The following CCSER2 variants were observed in gnomAD, a reference collection of about 807,000 sequenced individuals.
The protein encoded by CCSER2 is coiled-coil serine rich protein 2, also known as serine-rich coiled-coil domain-containing protein 2.
In CCSER2, 46 loss-of-function variants were observed where a neutral mutation model predicts 92.3. The ratio of observed to expected loss-of-function variants is 0.50; its 90% CI spans 0.39 to 0.64. CCSER2 has a LOEUF of 0.64. Ranked by LOEUF, CCSER2 falls within the 30% of genes least tolerant of loss-of-function variation. CCSER2 has a pLI of 0.00. For synonymous variants in CCSER2, 433 were observed against 431.4 expected, an observed-to-expected ratio of 1.00 and a Z score of -0.04; for missense variants, 1,244 against 1,238.9, an observed-to-expected ratio of 1.00 and a Z score of -0.06.
At chr10:84,372,499 C>A in intron 2 of CCSER2, 30 bp downstream of exon 2, 1 of 1,301,176 alleles carries the variant, frequency 7.7e-7, no homozygotes, top group Non-Finnish European at 1.1e-6. Context: ...AGTTTTTTTG[C>A]TTTCTTTTAA....
At chr10:84,360,549 T>C (rs1452926610) in intron 1 of CCSER2, among the ~76,000 whole-genome samples, 1 of 152,212 alleles carries the variant, frequency 6.6e-6, no homozygotes, top group Non-Finnish European at 1.5e-5. Flanking sequence ...TACAATAAAA[T>C]ACATAAATCT....
At chr10:84,342,991 G>A (rs1844285163) in intron 1 of CCSER2, among the ~76,000 whole-genome samples, 2 of 152,050 alleles carry the variant, frequency 1.3e-5, no homozygotes, top group Admixed American at 1.3e-4. Flanking sequence ...TCCTGCTTCA[G>A]CCTCCCAAGT....
At chr10:84,339,459 CTT>C (rs558168935) in intron 1 of CCSER2, among the ~76,000 whole-genome samples, 117 of 130,450 alleles carry the variant, frequency 9.0e-4, no homozygotes, top group African/African-American at 3.9e-3. Flanking sequence ...CATACTATTA[CTT>C]TTTTTTTTTT....
chr10:84,341,808 CT>C (rs1844203187), intron 1 of CCSER2, among the ~76,000 whole-genome samples: 1 of 152,134 alleles, frequency 6.6e-6, no homozygotes, highest in Non-Finnish European at 1.5e-5. Flanking sequence ...AAACACTTCA[CT>C]TATGTTTGCC....
chr10:84,371,579 T>A lies in CCSER2; in HGVS notation c.527T>A (p.Phe176Tyr), dbSNP rs772415080. 1.2e-6 allele frequency: 2 copies of A among 1,613,638 alleles called. No homozygotes were observed. The highest frequency in any genetic ancestry group is 4.5e-5 in the East Asian group (2 of 44,892). ...ACTCCAAAATCACAGTTGAATGGAT[T>A]TTATGGAAACCGATCAGCTGGTAGC... ...INTPKSQLNGFYGNRSAGSMQ... is the reference protein window; with the variant it reads ...INTPKSQLNGYYGNRSAGSMQ... The change falls in exon 2 of 10, where the codon TTT (phenylalanine) becomes TAT (tyrosine). Residue 176 changes from phenylalanine (F) to tyrosine (Y), a missense_variant. Physicochemically the swap from Phe to Tyr is conservative, Grantham distance 22. Coordinates refer to ENST00000372088, the MANE Select transcript of CCSER2 (RefSeq NM_001284240.2).
chr10:84,422,172 A>G (rs1488603330), intron 4 of CCSER2, among the ~76,000 whole-genome samples: 1 of 152,228 alleles, frequency 6.6e-6, no homozygotes, highest in Non-Finnish European at 1.5e-5. Context: ...ACAGGAGGAT[A>G]GGTAGATCTG....
chr10:84,334,828 C>T (rs1843743901), intron 1 of CCSER2, among the ~76,000 whole-genome samples: 1 of 152,130 alleles, frequency 6.6e-6, no homozygotes, highest in African/African-American at 2.4e-5. Flanking sequence ...TTTTTTTCTA[C>T]AACCATTTGC....
intron 6 of CCSER2, among the ~76,000 whole-genome samples, chr10:84,443,637 A>T (rs1250869802): frequency 1.3e-5 from 2 of 152,218 alleles, no homozygotes; most frequent in South Asian, 2.1e-4. Context: ...CAATCCCATT[A>T]CTGGTTATAT....
chr10:84,461,683 A>AT (rs1216021427), intron 6 of CCSER2, among the ~76,000 whole-genome samples: 2 of 142,388 alleles, frequency 1.4e-5, no homozygotes, highest in Non-Finnish European at 3.1e-5. Flanking sequence ...TCCCCCTGAG[A>AT]TTTTCTCTTT....
chr10:84,372,020 T>G lies in CCSER2; in HGVS notation c.968T>G (p.Leu323Arg). ...TATAGAATGGTTCATCCCTCTCTACTGAAATCTAGCCGATCTCCATTTTCT... is the reference window on the plus strand; with the variant it reads ...TATAGAATGGTTCATCCCTCTCTACGGAAATCTAGCCGATCTCCATTTTCT... Reference protein sequence around the residue: ...LGYRMVHPSLLKSSRSPFSGT... With the variant: ...LGYRMVHPSLRKSSRSPFSGT... The change falls in exon 2 of 10, where the codon CTG (leucine) becomes CGG (arginine). Residue 323 changes from leucine to arginine, a missense_variant. By Grantham distance (102) the Leu-to-Arg change is moderately radical. Transcript: ENST00000372088. The G allele has an allele frequency of 6.2e-7, 1 of 1,613,852 alleles. No homozygotes were observed. The highest frequency in any genetic ancestry group is 8.5e-7 in the Non-Finnish European group (1 of 1,179,820).
At chr10:84,400,905 C>T (rs1842084010) in intron 3 of CCSER2, among the ~76,000 whole-genome samples, 1 of 151,946 alleles carries the variant, frequency 6.6e-6, no homozygotes, top group Admixed American at 6.6e-5. Flanking sequence ...AAAAGCGAAA[C>T]TCCATCTCTA....
At chr10:84,372,948 A>G (rs1376999038) in intron 2 of CCSER2, among the ~76,000 whole-genome samples, 1 of 152,092 alleles carries the variant, frequency 6.6e-6, no homozygotes, top group Admixed American at 6.6e-5. Context: ...TTTTAGATAC[A>G]CTTCCTGAGA....
chr10:84,460,479 C>A (rs1258863292), intron 6 of CCSER2, among the ~76,000 whole-genome samples: 1 of 151,890 alleles, frequency 6.6e-6, no homozygotes, highest in Non-Finnish European at 1.5e-5. Flanking sequence ...CAGGGAAGTG[C>A]AATTAATGGC....
intron 6 of CCSER2, among the ~76,000 whole-genome samples, chr10:84,461,861 A>G (rs1846122184): frequency 6.6e-6 from 1 of 152,080 alleles, no homozygotes; most frequent in Non-Finnish European, 1.5e-5. Context: ...ATTTTGGATT[A>G]TATATTAGAT....
Position 84,370,998 on chromosome 10 carries a change from T to C in CCSER2, c.-39-16T>C. ...TATTTAGGAATGTTTAATGTACTTC[T>C]TTTTTCTCTTCACAGATTCTTTCAA... On this transcript the variant is annotated splice_polypyrimidine_tract_variant and intron_variant, in intron 1 of 9. Transcript: ENST00000372088. 2 of 1,157,514 alleles carry C rather than the reference T, an allele frequency of 1.7e-6. No individual in the cohort carries two copies. The highest frequency in any genetic ancestry group is 2.4e-6 in the Non-Finnish European group (2 of 827,000). The allele number at this position is 1,157,514 out of a possible 1,614,324, so 71.7% of individuals were successfully genotyped here.
intron 7 of CCSER2, among the ~76,000 whole-genome samples, chr10:84,466,595 C>G (rs1846450476): frequency 6.6e-6 from 1 of 150,944 alleles, no homozygotes; most frequent in Non-Finnish European, 1.5e-5. Context: ...AGCTCCACTT[C>G]CTGGGTTCAT....
At chr10:84,513,406 A>G in intron 9 of CCSER2, 43 bp from the exon 10 acceptor site, 4 of 1,440,440 alleles carry the variant, frequency 2.8e-6, no homozygotes, top group Non-Finnish European at 3.8e-6. Flanking sequence ...TCTGGGTGGA[A>G]TTTCTAAGAA....
At chr10:84,348,168 G>T (rs1844639123) in intron 1 of CCSER2, among the ~76,000 whole-genome samples, 1 of 152,246 alleles carries the variant, frequency 6.6e-6, no homozygotes, top group Non-Finnish European at 1.5e-5. Context: ...GCAACATTGA[G>T]CATTGAGTGA....
chr10:84,378,927 T>C (rs1023649562), intron 3 of CCSER2, among the ~76,000 whole-genome samples: 1 of 152,200 alleles, frequency 6.6e-6, no homozygotes, highest in Admixed American at 6.5e-5. Flanking sequence ...TGTTCTACTC[T>C]GTAATTTTCT....
Sources: gnomAD v4.1 joint callset for allele counts (sites outside exome capture counted in the v4.1 genomes callset) on GRCh38, gnomAD v4.1.1 for gene constraint, MANE v1.5 for transcripts, NCBI Gene and HGNC (gene_info 2026-07-23, HGNC 2026-07-21) for gene names.